Variants in FAM171A1 observed in about 807,000 individuals in gnomAD.
FAM171A1 encodes family with sequence similarity 171 member A1, also known as protein FAM171A1.
A neutral mutation model predicts 74.9 loss-of-function variants in FAM171A1; 23 were observed. The ratio of observed to expected loss-of-function variants is 0.31; its 90% CI spans 0.22 to 0.44. FAM171A1 has a LOEUF of 0.44. Among genes scored for constraint, FAM171A1 ranks in the 20% least tolerant of loss-of-function variants. FAM171A1 has a pLI of 1.00. For synonymous variants in FAM171A1, 527 were observed against 505.7 expected (o/e 1.04, Z -0.57); for missense variants, 1,162 against 1,159.2 (o/e 1.00, Z -0.03).
intron 4 of FAM171A1, among the ~76,000 whole-genome samples, chr10:15,252,749 C>A (rs773125525): frequency 6.6e-6 from 1 of 152,218 alleles, no homozygotes. Flanking sequence ...ATTGCAAAGA[C>A]CTCTCTTCCC....
intron 1 of FAM171A1, among the ~76,000 whole-genome samples, chr10:15,328,105 A>G (rs961199581): frequency 6.1e-4 from 93 of 152,120 alleles, no homozygotes; most frequent in African/African-American, 2.2e-3. Flanking sequence ...CAAACCAAAA[A>G]AAAAAAAAAC....
chr10:15,237,827 G>A (rs1304997462), intron 5 of FAM171A1, among the ~76,000 whole-genome samples: 1 of 151,788 alleles, frequency 6.6e-6, no homozygotes, highest in African/African-American at 2.4e-5. Flanking sequence ...CCCTAAGAGT[G>A]ATTTTGACAT....
chr10:15,302,243 C>T (rs1265654282), intron 1 of FAM171A1, among the ~76,000 whole-genome samples: 2 of 151,992 alleles, frequency 1.3e-5, no homozygotes, highest in African/African-American at 4.8e-5. Flanking sequence ...GTGGGTGGAT[C>T]ACCTGAGGTC....
chr10:15,230,726 C>A (rs928108707), intron 5 of FAM171A1, among the ~76,000 whole-genome samples: 1 of 152,112 alleles, frequency 6.6e-6, no homozygotes, highest in Non-Finnish European at 1.5e-5. Flanking sequence ...TGGGAAACCA[C>A]AAAATACTGG....
upstream of FAM171A1, among the ~76,000 whole-genome samples, chr10:15,372,203 G>C (rs142040350): frequency 6.6e-6 from 1 of 152,088 alleles, no homozygotes; most frequent in South Asian, 2.1e-4. Flanking sequence ...ACTGTAGTTC[G>C]GTCAAGCAGA....
chr10:15,357,889 A>G (rs967948291), intron 1 of FAM171A1, among the ~76,000 whole-genome samples: 2 of 152,246 alleles, frequency 1.3e-5, no homozygotes, highest in African/African-American at 2.4e-5. Flanking sequence ...TAAACTGGAA[A>G]AATAAAAACC....
At chr10:15,342,274 T>C (rs1835772964) in intron 1 of FAM171A1, among the ~76,000 whole-genome samples, 1 of 152,168 alleles carries the variant, frequency 6.6e-6, no homozygotes, top group African/African-American at 2.4e-5. Context: ...GTGTAACTGT[T>C]AACAGGTGTT....
intron 3 of FAM171A1, among the ~76,000 whole-genome samples, chr10:15,265,277 T>TTGTGTGTGTA: frequency 6.6e-6 from 1 of 151,562 alleles, no homozygotes; most frequent in African/African-American, 2.4e-5. Flanking sequence ...GCGTGTGTGT[T>TTGTGTGTGTA]TGTGTGTGTA....
chr10:15,213,058 A>C lies in FAM171A1; in HGVS notation c.2530T>G (p.Ser844Ala). 1 of 1,613,436 alleles carries C rather than the reference A, an allele frequency of 6.2e-7. No individual in the cohort carries two copies. Among genetic ancestry groups the C allele is most frequent in the Non-Finnish European group, 8.5e-7 (1 of 1,179,860 alleles). The change falls in exon 8 of 8, where the codon TCG becomes GCG. Residue 844 changes from serine (S) to alanine (A), a missense_variant. By Grantham distance (99) the Ser-to-Ala change is moderately conservative. Transcript: ENST00000378116. This position sits in a 1 kb window ranked among gnomAD's most constrained non-coding sequence, Gnocchi z 6.8. Reference protein sequence around the residue: ...ETTRRTADAPSEPAASPHQRR... With the variant: ...ETTRRTADAPAEPAASPHQRR... ...TGGTGGGGGCTGGCTGCTGGCTCCG[A>C]GGGGGCATCCGCAGTCCGTCTGGTC...
chr10:15,290,135 G>A (rs972923810), intron 1 of FAM171A1, among the ~76,000 whole-genome samples: 10 of 152,046 alleles, frequency 6.6e-5, no homozygotes, highest in Admixed American at 1.3e-4. Flanking sequence ...GGCTGAGGCC[G>A]GAGAATTGCT....
chr10:15,246,470 T>C (rs1195669165), intron 5 of FAM171A1, among the ~76,000 whole-genome samples: 1 of 152,148 alleles, frequency 6.6e-6, no homozygotes, highest in Non-Finnish European at 1.5e-5. Context: ...AATCTCCCAA[T>C]TATCTTCATG....
chr10:15,262,418 T>C (rs1426674030), intron 3 of FAM171A1, among the ~76,000 whole-genome samples: 1 of 151,900 alleles, frequency 6.6e-6, no homozygotes, highest in Non-Finnish European at 1.5e-5. Context: ...GAAGAACCCA[T>C]GAAGGAGATT....
At chr10:15,292,240 G>T (rs1340394597) in intron 1 of FAM171A1, among the ~76,000 whole-genome samples, 3 of 152,086 alleles carry the variant, frequency 2.0e-5, no homozygotes, top group Non-Finnish European at 2.9e-5. Context: ...CACCTTGGGG[G>T]TTAAGATTTC....
At chr10:15,338,909 TTTTTG>T (rs1835733309) in intron 1 of FAM171A1, among the ~76,000 whole-genome samples, 1 of 152,078 alleles carries the variant, frequency 6.6e-6, no homozygotes, top group South Asian at 2.1e-4. Flanking sequence ...CCTAGCTAAT[TTTTTG>T]TTTTTAGTAC....
rs1001428079 is a variant in FAM171A1, at chr10:15,212,613, C to T, written c.*302G>A. On this transcript the variant is annotated 3_prime_UTR_variant, in exon 8 of 8. Transcript: ENST00000378116. ...AACTGAGGTGATCGTTAGAGCATAG[C>T]GACATCACGTGCGGTTTCTTAATGT... 1 of 419,870 alleles carries T rather than the reference C, an allele frequency of 2.4e-6. No individual in the cohort carries two copies. The highest frequency in any genetic ancestry group is 2.7e-5 in the South Asian group (1 of 37,516). 26.0% of individuals were successfully genotyped at this position (419,870 alleles called of 1,614,324 possible).
At chr10:15,280,345 A>C (rs74904511) in intron 2 of FAM171A1, among the ~76,000 whole-genome samples, 2 of 152,310 alleles carry the variant, frequency 1.3e-5, no homozygotes, top group African/African-American at 2.4e-5. Context: ...ATGCTCAGTC[A>C]TATTGTGGGT....
chr10:15,247,727 C>A (rs1412913457), intron 5 of FAM171A1, among the ~76,000 whole-genome samples: 1 of 152,202 alleles, frequency 6.6e-6, no homozygotes, highest in Non-Finnish European at 1.5e-5. Flanking sequence ...CCCGCCTCAG[C>A]CTCCCAAAGT....
chr10:15,218,873 G>T (rs1042729092), intron 6 of FAM171A1, among the ~76,000 whole-genome samples: 2 of 152,124 alleles, frequency 1.3e-5, no homozygotes, highest in African/African-American at 2.4e-5. Flanking sequence ...GGGATTACAG[G>T]TGTGAGCTAC....
intron 1 of FAM171A1, among the ~76,000 whole-genome samples, chr10:15,342,070 T>C (rs1461000382): frequency 6.6e-6 from 1 of 152,212 alleles, no homozygotes; most frequent in Non-Finnish European, 1.5e-5. Flanking sequence ...ACCCAGGACC[T>C]GGATGCAGAA....
Sources: gnomAD v4.1 joint callset for allele counts (sites outside exome capture counted in the v4.1 genomes callset) on GRCh38, gnomAD v4.1.1 for gene constraint, Gnocchi (gnomAD v3.1) non-coding constraint, MANE v1.5 for transcripts, NCBI Gene and HGNC (gene_info 2026-07-23, HGNC 2026-07-21) for gene names.